Variants in CPSF2 observed in about 807,000 individuals in gnomAD.
The protein encoded by CPSF2 is cleavage and polyadenylation specific factor 2, also known as cleavage and polyadenylation specificity factor subunit 2.
Under a neutral mutation model 84.2 loss-of-function variants are expected in CPSF2, and 51 were observed. The ratio of observed to expected loss-of-function variants is 0.61; its 90% CI spans 0.48 to 0.77. The LOEUF (loss-of-function observed/expected upper bound fraction) is 0.77. CPSF2 is among the 30% of genes least tolerant of loss of function. The pLI is 0.00. For synonymous variants in CPSF2, 286 were observed against 311.9 expected, an observed-to-expected ratio of 0.92 and a Z score of 0.87; for missense variants, 641 against 929.4, an observed-to-expected ratio of 0.69 and a Z score of 4.03.
chr14:92,128,084 C>T (rs1567015526), intron 2 of CPSF2, among the ~76,000 whole-genome samples: 2 of 151,978 alleles, frequency 1.3e-5, no homozygotes, highest in Admixed American at 1.3e-4. Context: ...GAGCAAATAG[C>T]GTTAGCCAGG....
chr14:92,122,214 G>A (rs2068778668), intron 1 of CPSF2, 86 bp downstream of exon 1: 3 of 316,192 alleles, frequency 9.5e-6, no homozygotes, highest in South Asian at 8.0e-5. Context: ...CCCCGACTCC[G>A]ACCCGGTCTC....
In CPSF2 at chr14:92,157,972, TGA is replaced by T; in HGVS notation, c.1821+91_1821+92del. The T allele has an allele frequency of 1.1e-6, 1 of 899,252 alleles. No individual in the cohort carries two copies. The highest frequency in any genetic ancestry group is 1.8e-6 in the Non-Finnish European group (1 of 555,332). 55.7% of individuals were successfully genotyped at this position (899,252 alleles called of 1,614,324 possible). On this transcript the variant is annotated intron_variant, in intron 13 of 15. Coordinates refer to ENST00000298875, the MANE Select transcript of CPSF2 (RefSeq NM_017437.3). This position sits in a 1 kb window ranked among gnomAD's most constrained non-coding sequence, Gnocchi z 4.0. ...ATAACATTAGAAATACCGAGATGTG[TGA>T]GACAGACATGGATGGTCTCCTGCCC...
At chr14:92,154,562 C>T (rs2069264261) in intron 10 of CPSF2, 104 bp downstream of exon 10, 1 of 762,468 alleles carries the variant, frequency 1.3e-6, no homozygotes, top group African/African-American at 1.8e-5. Flanking sequence ...TTTCGTAAGA[C>T]TTAATTTTGT....
At chr14:92,158,100 A>G (rs1477902749) in intron 13 of CPSF2, among the ~76,000 whole-genome samples, 2 of 152,196 alleles carry the variant, frequency 1.3e-5, no homozygotes, top group Admixed American at 1.3e-4. Flanking sequence ...GAGAGTATCA[A>G]GAGGGGAAAC....
At chr14:92,150,176 G>C (rs2069195033) in intron 9 of CPSF2, among the ~76,000 whole-genome samples, 1 of 149,352 alleles carries the variant, frequency 6.7e-6, no homozygotes, top group Non-Finnish European at 1.5e-5. Flanking sequence ...CGCCAGGCTG[G>C]AGCGCTCGGC....
At chr14:92,134,676 A>T (rs1169104180) in intron 5 of CPSF2, among the ~76,000 whole-genome samples, 1 of 152,224 alleles carries the variant, frequency 6.6e-6, no homozygotes, top group Non-Finnish European at 1.5e-5. Flanking sequence ...TTGAGGCAAC[A>T]AAGTAGCTGA....
rs1254507652 is a variant in CPSF2, at chr14:92,170,490, A to G, written c.*8746A>G. The G allele has an allele frequency of 6.6e-6, 1 of 152,180 alleles. No individual in the cohort carries two copies. Among genetic ancestry groups the G allele is most frequent in the East Asian group, 1.9e-4 (1 of 5,202 alleles). 9.4% of individuals were successfully genotyped at this position (152,180 alleles called of 1,614,324 possible). ...TAAAATTCTACCATTTGATCCACGA[A>G]CCCCATTCAAATGTTGCCATTTACT... On this transcript the variant is annotated 3_prime_UTR_variant, in exon 16 of 16. Transcript: ENST00000298875.
At position 92,157,852 on chromosome 14, in the gene CPSF2, G is replaced by C; in HGVS notation, c.1789G>C (p.Val597Leu). Residue 597 changes from valine (V) to leucine (L), a missense_variant, in exon 13 of 16, where the codon GTT becomes CTT. Around this residue, in one of 2 missense-constraint regions of CPSF2, gnomAD observed 430 missense variants for 553.6 expected, o/e 0.78. Transcript: ENST00000298875. The surrounding 1 kb of genome is among the most constrained non-coding windows in gnomAD (Gnocchi z 4.0). Reference protein sequence around the residue: ...KVYMPKLHETVDATSETHIYQ... With the variant: ...KVYMPKLHETLDATSETHIYQ... ...GTACATGCCAAAGCTACATGAAACAGTTGATGCCACTAGTGAAACTCACAT... is the reference window on the plus strand; with the variant it reads ...GTACATGCCAAAGCTACATGAAACACTTGATGCCACTAGTGAAACTCACAT... The C allele has an allele frequency of 1.2e-6, 2 of 1,614,066 alleles. No individual in the cohort carries two copies. Among genetic ancestry groups the C allele is most frequent in the Admixed American group, 3.3e-5 (2 of 60,028 alleles).
rs114083349 is a variant in CPSF2, at chr14:92,161,880, A to T, written c.*136A>T. On this transcript the variant is annotated 3_prime_UTR_variant, in exon 16 of 16. Transcript: ENST00000298875. ...AAAAACTTACATGTATCAGATTTTT[A>T]AAAATATAAATAGAGAACATTTTGC... 4.3e-5 allele frequency: 25 copies of T among 578,676 alleles called. No individual in the cohort carries two copies. Among genetic ancestry groups the T allele is most frequent in the Non-Finnish European group, 1.5e-5 (5 of 337,938 alleles). The allele number at this position is 578,676 out of a possible 1,614,324, so 35.8% of individuals were successfully genotyped here. A position where few individuals can be genotyped will look rare whatever the true frequency, so the allele number is the denominator to read the frequency against.
intron 7 of CPSF2, 25 bp from the exon 8 acceptor site, chr14:92,142,139 G>A (rs1023362745): frequency 1.0e-5 from 16 of 1,549,546 alleles, no homozygotes; most frequent in Non-Finnish European, 1.4e-5. Context: ...ACGTTCTATG[G>A]GGATTTTACA....
At chr14:92,128,951 A>G (rs983286255) in intron 2 of CPSF2, among the ~76,000 whole-genome samples, 5 of 152,200 alleles carry the variant, frequency 3.3e-5, no homozygotes, top group Non-Finnish European at 1.5e-5. Context: ...CGGGTCATGT[A>G]AAAGTCCTCA....
chr14:92,128,439 T>C (rs937941900), intron 2 of CPSF2, among the ~76,000 whole-genome samples: 3 of 152,084 alleles, frequency 2.0e-5, no homozygotes, highest in Non-Finnish European at 4.4e-5. Context: ...GCCAAGATCG[T>C]GACACTGCAC....
rs905030575 is a variant in CPSF2, at chr14:92,165,101, T to C, written c.*3357T>C. On this transcript the variant is annotated 3_prime_UTR_variant, in exon 16 of 16. Coordinates refer to ENST00000298875, the MANE Select transcript of CPSF2 (RefSeq NM_017437.3). ...GAGTGCATCACTGTTGTAACATGTA[T>C]CAGTACCCTTTTTGTGACTGAATAT... 5 of 152,236 alleles carry C rather than the reference T, an allele frequency of 3.3e-5. No homozygotes were observed. Among genetic ancestry groups the C allele is most frequent in the African/African-American group, 4.8e-5 (2 of 41,454 alleles). The allele number at this position is 152,236 out of a possible 1,614,324, so 9.4% of individuals were successfully genotyped here.
At chr14:92,147,208 T>A (rs971112627) in intron 9 of CPSF2, among the ~76,000 whole-genome samples, 3 of 152,188 alleles carry the variant, frequency 2.0e-5, no homozygotes, top group Non-Finnish European at 4.4e-5. Context: ...AATTCATGAA[T>A]AATCAAAAAA....
At chr14:92,122,930 C>T (rs896170318) in intron 1 of CPSF2, among the ~76,000 whole-genome samples, 1 of 150,860 alleles carries the variant, frequency 6.6e-6, no homozygotes, top group African/African-American at 2.4e-5. Flanking sequence ...CTCAAGAGAT[C>T]CTCCCATTTT....
At chr14:92,149,125 T>G (rs1465571237) in intron 9 of CPSF2, among the ~76,000 whole-genome samples, 1 of 152,188 alleles carries the variant, frequency 6.6e-6, no homozygotes. Context: ...ATAATACTGG[T>G]AAGATGATAT....
At position 92,169,635 on chromosome 14, in the gene CPSF2, T is replaced by C. The variant is rs1255871125; in HGVS notation, c.*7891T>C. The C allele has an allele frequency of 6.8e-6, 1 of 147,952 alleles. No homozygotes were observed. Among genetic ancestry groups the C allele is most frequent in the Non-Finnish European group, 1.5e-5 (1 of 67,670 alleles). The allele number at this position is 147,952 out of a possible 1,614,324, so 9.2% of individuals were successfully genotyped here. A position where few individuals can be genotyped will look rare whatever the true frequency, so the allele number is the denominator to read the frequency against. On this transcript the variant is annotated 3_prime_UTR_variant, in exon 16 of 16. Transcript: ENST00000298875. ...AAAACCAAATTCAAATTCTTAAGGT[T>C]TTTCTTATATGTGATTTTTTTTTTT...
intron 2 of CPSF2, among the ~76,000 whole-genome samples, chr14:92,127,175 C>G (rs1400873162): frequency 6.6e-6 from 1 of 152,092 alleles, no homozygotes; most frequent in Non-Finnish European, 1.5e-5. Context: ...GAGAAGGTGA[C>G]AGACAAAGCA....
Position 92,134,104 on chromosome 14 carries a change from C to G in CPSF2, c.243C>G (p.Asn81Lys). The change falls in exon 4 of 16, where the codon AAC (asparagine) becomes AAG (lysine). Residue 81 changes from asparagine (N) to lysine (K), a missense_variant. By Grantham distance (94) the Asn-to-Lys change is moderately conservative. Coordinates refer to ENST00000298875, the MANE Select transcript of CPSF2 (RefSeq NM_017437.3). ...ATGCTGTCGGAAAGTTGGGTCTGAA[C>G]TGTGCTATCTATGCAACCATTCCTG... is the stretch of plus-strand genomic sequence containing the variant. The part of the protein sequence containing the change: ...LPYAVGKLGL[N>K]CAIYATIPVY... The G allele has an allele frequency of 6.2e-7, 1 of 1,614,192 alleles. No homozygotes were observed. Among genetic ancestry groups the G allele is most frequent in the Non-Finnish European group, 8.5e-7 (1 of 1,179,994 alleles).
Sources: allele counts gnomAD v4.1 joint callset (sites outside exome capture counted in the v4.1 genomes callset), GRCh38; gene constraint gnomAD v4.1.1; regional missense constraint gnomAD v4.1.1; non-coding constraint Gnocchi (gnomAD v3.1); transcripts MANE v1.5; gene names NCBI Gene and HGNC (gene_info 2026-07-23, HGNC 2026-07-21).